ANK3: variants seen among roughly 807,000 people sequenced by gnomAD.
The protein encoded by ANK3 is ankyrin 3.
A neutral mutation model predicts 370.9 loss-of-function variants in ANK3; 57 were observed. That is an observed-to-expected ratio of 0.15 (90% CI 0.12 to 0.19). The LOEUF is 0.19. ANK3 is among the 10% of genes least tolerant of loss of function. The pLI is 1.00. For synonymous variants in ANK3, 1,929 were observed against 1,946.3 expected (o/e 0.99, Z 0.23); for missense variants, 4,439 against 5,302.1 (o/e 0.84, Z 5.06).
intron 2 of ANK3, among the ~76,000 whole-genome samples, chr10:60,411,869 T>C (rs895753456): frequency 6.6e-6 from 1 of 152,120 alleles, no homozygotes; most frequent in Non-Finnish European, 1.5e-5. Context: ...AAGTACTATA[T>C]AAAAATAAGG....
Position 60,075,380 on chromosome 10 carries a change from G to T in ANK3, c.5501C>A (p.Pro1834Gln). 6.2e-7 allele frequency: 1 copy of T among 1,614,012 alleles called. No homozygotes were observed. Reference protein sequence around the residue: ...VYSVVNVLPEPALKKLPDSNS... With the variant: ...VYSVVNVLPEQALKKLPDSNS... ...AGAGTCTGGAAGTTTCTTTAATGCT[G>T]GTTCTGGCAAAACATTGACTACAGA... The change falls in exon 37 of 44, where the codon CCA (proline) becomes CAA (glutamine). Residue 1834 changes from proline (P) to glutamine (Q), a missense_variant. By Grantham distance (76) the Pro-to-Gln change is moderately conservative. Coordinates refer to ENST00000280772, the MANE Select transcript of ANK3 (RefSeq NM_020987.5).
chr10:60,520,887 C>T (rs540532952), intron 2 of ANK3, among the ~76,000 whole-genome samples: 2 of 151,982 alleles, frequency 1.3e-5, no homozygotes, highest in African/African-American at 2.4e-5. Context: ...CTTTGAATTC[C>T]TACTTTGCTC....
intron 2 of ANK3, among the ~76,000 whole-genome samples, chr10:60,549,473 A>G (rs542501060): frequency 1.4e-4 from 21 of 152,274 alleles, no homozygotes; most frequent in Non-Finnish European, 2.1e-4. Context: ...TGTTTAGAGA[A>G]CAATCCCCTT....
intron 1 of ANK3, among the ~76,000 whole-genome samples, chr10:60,341,767 A>C (rs996939184): frequency 3.3e-5 from 5 of 152,216 alleles, no homozygotes; most frequent in African/African-American, 4.8e-5. Context: ...CAAAATACAC[A>C]GTTTAGTCAA....
chr10:60,203,279 T>A (rs1372926098), intron 11 of ANK3, among the ~76,000 whole-genome samples, 179 bp from the exon 12 acceptor site: 1 of 152,220 alleles, frequency 6.6e-6, no homozygotes, highest in African/African-American at 2.4e-5. Context: ...AAACATATAA[T>A]CATCGTTTTC....
intron 2 of ANK3, among the ~76,000 whole-genome samples, chr10:60,456,143 C>A (rs2064741505): frequency 6.6e-6 from 1 of 152,180 alleles, no homozygotes; most frequent in Non-Finnish European, 1.5e-5. Context: ...AAGATACCTG[C>A]CGTGGGGTTT....
At chr10:60,652,741 G>A (rs1436764100) in intron 1 of ANK3, among the ~76,000 whole-genome samples, 1 of 149,420 alleles carries the variant, frequency 6.7e-6, no homozygotes. Context: ...GGACCACGAA[G>A]GTTCCAGTCT....
At position 60,080,565 on chromosome 10, in the gene ANK3, G is replaced by T; in HGVS notation, c.4404C>A (p.Arg1468=). Residue 1468 remains arginine (R), a synonymous_variant, in exon 36 of 44, where the codon CGC becomes CGA. Coordinates refer to ENST00000280772, the MANE Select transcript of ANK3 (RefSeq NM_020987.5). The part of the protein sequence containing the change: ...QSFASLALRK[R]YSYLTEPGMI... ...TTCCAGGCTCAGTCAAGTAGCTGTAGCGCTTACGTAAAGCTAAGGATGCGA... is the reference window on the plus strand; with the variant it reads ...TTCCAGGCTCAGTCAAGTAGCTGTATCGCTTACGTAAAGCTAAGGATGCGA... The T allele has an allele frequency of 6.2e-7, 1 of 1,612,384 alleles. No individual in the cohort carries two copies.
chr10:60,312,469 A>G (rs1000686737), intron 1 of ANK3, among the ~76,000 whole-genome samples: 6 of 152,172 alleles, frequency 3.9e-5, no homozygotes, highest in African/African-American at 1.4e-4. Context: ...GTCTGTTCCT[A>G]CCTTAAAGGG....
intron 23 of ANK3, among the ~76,000 whole-genome samples, chr10:60,164,620 T>C (rs2132289907): frequency 6.6e-6 from 1 of 152,274 alleles, no homozygotes; most frequent in East Asian, 1.9e-4. Context: ...CTTGGTCAAA[T>C]ACACCAAAGC....
chr10:60,227,883 T>C (rs1259397967), intron 8 of ANK3, among the ~76,000 whole-genome samples: 1 of 152,204 alleles, frequency 6.6e-6, no homozygotes, highest in African/African-American at 2.4e-5. Context: ...TTCTATTATC[T>C]AACTTTTCTT....
chr10:60,102,969 T>TC (rs1367353215), intron 28 of ANK3, among the ~76,000 whole-genome samples: 8 of 152,106 alleles, frequency 5.3e-5, no homozygotes. Flanking sequence ...TTTTTTTTTT[T>TC]CTGAGACAAA....
chr10:60,186,049 G>T (rs2096318550), intron 17 of ANK3, among the ~76,000 whole-genome samples: 2 of 152,260 alleles, frequency 1.3e-5, no homozygotes, highest in African/African-American at 4.8e-5. Flanking sequence ...ACTCACGAAG[G>T]CAGCAATGTT....
intron 1 of ANK3, among the ~76,000 whole-genome samples, chr10:60,730,675 C>T (rs2080009810): frequency 1.3e-5 from 2 of 152,110 alleles, no homozygotes. Context: ...AACATTAACC[C>T]AGCATCTGAC....
intron 25 of ANK3, among the ~76,000 whole-genome samples, chr10:60,128,384 CTTTT>C (rs56104024): frequency 2.7e-5 from 4 of 146,054 alleles, no homozygotes; most frequent in African/African-American, 7.6e-5. Flanking sequence ...CATTTTTTTT[CTTTT>C]TTTTTTTTTG....
At chr10:60,547,619 C>A (rs1393911704) in intron 2 of ANK3, among the ~76,000 whole-genome samples, 1 of 151,598 alleles carries the variant, frequency 6.6e-6, no homozygotes, top group Non-Finnish European at 1.5e-5. Context: ...TGGTGATCCA[C>A]CTGCCTTGTC....
intron 1 of ANK3, among the ~76,000 whole-genome samples, chr10:60,655,021 A>G (rs1054139621): frequency 1.3e-5 from 2 of 152,080 alleles, no homozygotes; most frequent in Non-Finnish European, 2.9e-5. Flanking sequence ...ACTCACAATT[A>G]CTCACATGTT....
chr10:60,458,620 T>C (rs796870263), intron 2 of ANK3, among the ~76,000 whole-genome samples: 8 of 152,276 alleles, frequency 5.3e-5, no homozygotes, highest in African/African-American at 1.9e-4. Flanking sequence ...TTACTTTTTC[T>C]TGTGAACTTG....
intron 28 of ANK3, among the ~76,000 whole-genome samples, chr10:60,104,657 T>G (rs1034073956): frequency 6.6e-6 from 1 of 152,156 alleles, no homozygotes; most frequent in Non-Finnish European, 1.5e-5. Flanking sequence ...TGCTAGACAC[T>G]CAACAATTAC....
Sources: gnomAD v4.1 joint callset for allele counts (sites outside exome capture counted in the v4.1 genomes callset) on GRCh38, gnomAD v4.1.1 for gene constraint, MANE v1.5 for transcripts, NCBI Gene and HGNC (gene_info 2026-07-23, HGNC 2026-07-21) for gene names.